PTPRT: variants seen among roughly 807,000 people sequenced by gnomAD.
The protein encoded by PTPRT is protein tyrosine phosphatase receptor type T.
In PTPRT, 56 loss-of-function variants were observed where a neutral mutation model predicts 176.8. The ratio of observed to expected loss-of-function variants is 0.32; its 90% CI spans 0.26 to 0.40. The LOEUF is 0.40. PTPRT is among the 10% of genes least tolerant of loss of function. The pLI is 1.00. For synonymous variants in PTPRT, 783 were observed against 739.0 expected (o/e 1.06, Z -0.96); for missense variants, 1,540 against 1,908.2 (o/e 0.81, Z 3.60).
chr20:42,184,309 A>T lies in PTPRT; in HGVS notation c.2491+14931T>A, dbSNP rs570199394. ...ATGTCACTTATTTCTTCTTTTCTGCATTGACTAATTCTGACCACACAGTGT... is the reference window on the plus strand; with the variant it reads ...ATGTCACTTATTTCTTCTTTTCTGCTTTGACTAATTCTGACCACACAGTGT... On this transcript the variant is annotated intron_variant, in intron 16 of 30. Transcript: ENST00000373187. 3.3e-5 allele frequency among the ~76,000 whole-genome samples: 5 copies of T among 152,254 alleles called. No homozygotes were observed. In the South Asian group the frequency reaches 1.0e-3, roughly 32 times the overall value.
At chr20:42,138,608 C>A (rs192784435) in intron 18 of PTPRT, among the ~76,000 whole-genome samples, 5 of 152,310 alleles carry the variant, frequency 3.3e-5, no homozygotes, top group Non-Finnish European at 5.9e-5. Flanking sequence ...CTAGGAAGCA[C>A]CTCTAAAACT....
At chr20:43,017,214 T>C (rs1042569800) in intron 1 of PTPRT, among the ~76,000 whole-genome samples, 1 of 152,200 alleles carries the variant, frequency 6.6e-6, no homozygotes, top group African/African-American at 2.4e-5. Flanking sequence ...CCATAGACTG[T>C]AGTTCATCCA....
intron 2 of PTPRT, among the ~76,000 whole-genome samples, chr20:42,875,625 A>G (rs1198833410): frequency 6.6e-6 from 1 of 152,224 alleles, no homozygotes; most frequent in Non-Finnish European, 1.5e-5. Context: ...ACCATGGTTC[A>G]TTCACCCAGG....
chr20:43,010,581 C>A (rs1011131043), intron 1 of PTPRT, among the ~76,000 whole-genome samples: 12 of 152,202 alleles, frequency 7.9e-5, no homozygotes, highest in Non-Finnish European at 1.5e-4. Context: ...AGCATGCAGT[C>A]TCATACTTAG....
chr20:42,777,965 A>C (rs866217481), intron 4 of PTPRT, among the ~76,000 whole-genome samples: 1 of 152,164 alleles, frequency 6.6e-6, no homozygotes, highest in Non-Finnish European at 1.5e-5. Context: ...ACCCAACAGG[A>C]GCACATTATG....
chr20:43,069,459 C>A (rs1371053887), intron 1 of PTPRT, among the ~76,000 whole-genome samples: 1 of 152,150 alleles, frequency 6.6e-6, no homozygotes, highest in Non-Finnish European at 1.5e-5. Context: ...CAGAATGAAT[C>A]CAACTTGCCA....
intron 8 of PTPRT, among the ~76,000 whole-genome samples, chr20:42,451,358 G>A (rs2070823761): frequency 6.6e-6 from 1 of 152,084 alleles, no homozygotes; most frequent in Non-Finnish European, 1.5e-5. Flanking sequence ...AGAGGAAGCT[G>A]GTGAGCTCAG....
At chr20:42,591,688 T>C (rs1352523265) in intron 7 of PTPRT, among the ~76,000 whole-genome samples, 2 of 152,094 alleles carry the variant, frequency 1.3e-5, no homozygotes, top group Non-Finnish European at 2.9e-5. Flanking sequence ...GAGGCAGCAT[T>C]AAAGCAAGCC....
At chr20:42,961,054 A>G (rs954461482) in intron 1 of PTPRT, among the ~76,000 whole-genome samples, 1 of 152,246 alleles carries the variant, frequency 6.6e-6, no homozygotes, top group Non-Finnish European at 1.5e-5. Context: ...CCTGGTTTCC[A>G]TGAAAAACAA....
At chr20:42,627,618 G>A (rs190148377) in intron 7 of PTPRT, among the ~76,000 whole-genome samples, 2 of 152,112 alleles carry the variant, frequency 1.3e-5, no homozygotes, top group East Asian at 3.9e-4. Flanking sequence ...AGGCAAAAAC[G>A]GTCCTTTTAC....
chr20:43,088,510 A>G (rs1290710851), intron 1 of PTPRT, among the ~76,000 whole-genome samples: 1 of 152,146 alleles, frequency 6.6e-6, no homozygotes, highest in Non-Finnish European at 1.5e-5. Context: ...ACTGCTAGGA[A>G]TGATTCAACT....
At chr20:42,867,177 T>C (rs953321649) in intron 2 of PTPRT, among the ~76,000 whole-genome samples, 1 of 152,156 alleles carries the variant, frequency 6.6e-6, no homozygotes, top group Admixed American at 6.5e-5. Context: ...ACAAGGTGCT[T>C]TGTATGTGAA....
intron 1 of PTPRT, among the ~76,000 whole-genome samples, chr20:42,989,231 CA>C (rs1983760352): frequency 6.6e-6 from 1 of 152,254 alleles, no homozygotes. Flanking sequence ...AGACCCTTTT[CA>C]CATTACACCA....
At chr20:43,181,791 A>G (rs367954409) in intron 1 of PTPRT, among the ~76,000 whole-genome samples, 1 of 152,078 alleles carries the variant, frequency 6.6e-6, no homozygotes, top group African/African-American at 2.4e-5. Flanking sequence ...TCTTTAAATA[A>G]TAACTACTAT....
chr20:42,925,164 C>G (rs1283824025), intron 1 of PTPRT, among the ~76,000 whole-genome samples: 1 of 152,216 alleles, frequency 6.6e-6, no homozygotes, highest in African/African-American at 2.4e-5. Context: ...AACTCTCTCA[C>G]TCCTCATGAC....
intron 1 of PTPRT, among the ~76,000 whole-genome samples, chr20:43,044,935 A>G (rs1174801126): frequency 6.6e-6 from 1 of 152,226 alleles, no homozygotes; most frequent in East Asian, 1.9e-4. Context: ...CCTGCACTCA[A>G]CGCTAAGGTT....
chr20:42,180,590 T>C (rs1417316324), intron 16 of PTPRT, among the ~76,000 whole-genome samples: 1 of 152,230 alleles, frequency 6.6e-6, no homozygotes, highest in African/African-American at 2.4e-5. Flanking sequence ...TTTTAATTTC[T>C]GTATTCTTCA....
At chr20:42,713,359 T>G (rs1214585775) in intron 6 of PTPRT, among the ~76,000 whole-genome samples, 1 of 152,180 alleles carries the variant, frequency 6.6e-6, no homozygotes. Context: ...AGGGGTTGAA[T>G]AAGAATCAAG....
chr20:42,258,126 T>G (rs1414916383), intron 13 of PTPRT, among the ~76,000 whole-genome samples: 1 of 152,198 alleles, frequency 6.6e-6, no homozygotes, highest in Non-Finnish European at 1.5e-5. Flanking sequence ...AGATCTAGAA[T>G]CTTCCATTGA....
Sources: gnomAD v4.1 joint callset for allele counts (sites outside exome capture counted in the v4.1 genomes callset) on GRCh38, gnomAD v4.1.1 for gene constraint, MANE v1.5 for transcripts, NCBI Gene and HGNC (gene_info 2026-07-23, HGNC 2026-07-21) for gene names.